The following STAT5B variants were observed in gnomAD, a reference collection of about 807,000 sequenced individuals.
The protein encoded by STAT5B is transcription factor STAT5B.
STAT5B carries 21 observed loss-of-function variants against 107.8 expected under a neutral mutation model. That is an observed-to-expected ratio of 0.19 (90% CI 0.14 to 0.28). The LOEUF (loss-of-function observed/expected upper bound fraction) is 0.28. STAT5B is among the 10% of genes least tolerant of loss of function. The pLI, the probability that STAT5B is intolerant of heterozygous loss-of-function variation, is 1.00. For missense variants in STAT5B, 565 were observed against 1,008.2 expected (o/e 0.56, Z 5.95); for synonymous variants, 325 against 401.7 (o/e 0.81, Z 2.28).
rs549025276 is a variant in STAT5B, at chr17:42,222,989, A to C, written c.550+393T>G. The stretch of plus-strand genomic sequence containing the variant: ...GTGAGCCACCGTGCCCAGCCAGAAA[A>C]ATTTTTAAACATGTAATTATATAAT... On this transcript the variant is annotated intron_variant, in intron 5 of 18. Coordinates refer to ENST00000293328, the MANE Select transcript of STAT5B (RefSeq NM_012448.4). Among the ~76,000 whole-genome samples, 5 of 152,076 alleles carry C rather than the reference A, an allele frequency of 3.3e-5. No homozygotes were observed. The East Asian group carries it at 9.7e-4, about 29-fold the overall frequency.
chr17:42,285,476 G>C, the STAT5B span, among the ~76,000 whole-genome samples: 1 of 152,210 alleles, frequency 6.6e-6, no homozygotes, highest in Non-Finnish European at 1.5e-5. Flanking sequence ...GTGAAGAGCA[G>C]TTAGGGGCAA....
chr17:42,255,347 T>C (rs1178054416), intron 1 of STAT5B, among the ~76,000 whole-genome samples: 1 of 152,204 alleles, frequency 6.6e-6, no homozygotes, highest in African/African-American at 2.4e-5. Context: ...GCCACAGGCA[T>C]ACAGATGAGG....
At chr17:42,284,737 A>G in the STAT5B span, among the ~76,000 whole-genome samples, 4 of 152,068 alleles carry the variant, frequency 2.6e-5, no homozygotes, top group African/African-American at 7.2e-5. Flanking sequence ...AGGCCTCTTC[A>G]CTCCGCCGGT....
rs1239128940 is a variant in STAT5B at position 42,218,296 on chromosome 17, G to A, written c.1024C>T (p.Leu342=). 2.5e-6 allele frequency: 4 copies of A among 1,614,100 alleles called. No individual in the cohort carries two copies. The South Asian group carries it at 3.3e-5, about 13-fold the overall frequency. ...FIIEKQPPQV[L]KTQTKFAATV... is the part of the protein sequence containing the mutation. ...GCTGCAAACTTGGTCTGGGTCTTCAGGACCTGAGGAGGCTGCTTCTCAATG... is the reference window on the plus strand; with the variant it reads ...GCTGCAAACTTGGTCTGGGTCTTCAAGACCTGAGGAGGCTGCTTCTCAATG... The change falls in exon 9 of 19, where the codon CTG becomes TTG. Residue 342 remains leucine, a synonymous_variant. Transcript: ENST00000293328.
chr17:42,226,217 G>A (rs1445949500), intron 3 of STAT5B, among the ~76,000 whole-genome samples: 1 of 152,144 alleles, frequency 6.6e-6, no homozygotes, highest in Non-Finnish European at 1.5e-5. Flanking sequence ...TTACTGGTGT[G>A]AGCCACTGCA....
chr17:42,223,738 G>T (rs963401854), intron 4 of STAT5B, among the ~76,000 whole-genome samples, 182 bp from the exon 5 acceptor site: 8 of 152,194 alleles, frequency 5.3e-5, no homozygotes, highest in African/African-American at 1.9e-4. Flanking sequence ...AGAAACAGGT[G>T]AGCGGACAGA....
At chr17:42,224,663 C>G (rs2080258112) in intron 4 of STAT5B, 116 bp downstream of exon 4, 1 of 1,011,886 alleles carries the variant, frequency 9.9e-7, no homozygotes, top group African/African-American at 1.6e-5. Flanking sequence ...GGATGAAGCT[C>G]TCTTTAAAGA....
chr17:42,231,394 T>A (rs2080316467), intron 2 of STAT5B, among the ~76,000 whole-genome samples: 1 of 152,016 alleles, frequency 6.6e-6, no homozygotes. Context: ...TAGGCTGGAG[T>A]GTAGTGGTGT....
At chr17:42,232,571 T>C (rs2080326046) in intron 1 of STAT5B, among the ~76,000 whole-genome samples, 2 of 152,142 alleles carry the variant, frequency 1.3e-5, no homozygotes, top group South Asian at 2.1e-4. Flanking sequence ...TTTAGCCCTT[T>C]TGGTAGACTA....
chr17:42,201,554 A>AC lies in STAT5B; in HGVS notation c.*183_*184insG. On this transcript the variant is annotated 3_prime_UTR_variant, in exon 19 of 19. Coordinates refer to ENST00000293328, the MANE Select transcript of STAT5B (RefSeq NM_012448.4). ...CACACACACACACACACACACACAC[A>AC]AACACATACTCGCACTCCCTTCGCT... The AC allele has an allele frequency of 1.5e-6, 1 of 670,504 alleles. No homozygotes were observed. 41.5% of individuals were successfully genotyped at this position (670,504 alleles called of 1,614,324 possible). A position where few individuals can be genotyped will look rare whatever the true frequency, so the allele number is the denominator to read the frequency against.
the STAT5B span, among the ~76,000 whole-genome samples, chr17:42,286,190 G>A: frequency 9.7e-5 from 13 of 134,538 alleles, no homozygotes; most frequent in Admixed American, 6.8e-4. Flanking sequence ...CCAAGATCGC[G>A]CCATTGCACT....
intron 13 of STAT5B, 34 bp from the exon 14 acceptor site, chr17:42,210,531 C>A: frequency 6.5e-7 from 1 of 1,543,306 alleles, no homozygotes; most frequent in Non-Finnish European, 9.0e-7. Context: ...CATAAGAACA[C>A]CAGAGTAACA....
At chr17:42,225,862 T>A (rs2080268751) in intron 3 of STAT5B, among the ~76,000 whole-genome samples, 1 of 152,330 alleles carries the variant, frequency 6.6e-6, no homozygotes, top group Admixed American at 6.5e-5. Context: ...AATGTTAACG[T>A]AATCATGAGG....
At chr17:42,236,707 G>T (rs1226872594) in intron 1 of STAT5B, among the ~76,000 whole-genome samples, 1 of 152,176 alleles carries the variant, frequency 6.6e-6, no homozygotes, top group Non-Finnish European at 1.5e-5. Context: ...AAAGTGCTGG[G>T]ATTACAGGCG....
rs754879860 is a variant in STAT5B, at chr17:42,218,319, A to G, written c.1001T>C (p.Ile334Thr). Residue 334 changes from isoleucine to threonine, a missense_variant, in exon 9 of 19, where the codon ATT becomes ACT. This residue lies in a region of STAT5B where 48 missense variants were observed against 106.5 expected (regional missense o/e 0.45). Transcript: ENST00000293328. ...ISALVTSTFI[I>T]EKQPPQVLKT... ...CAGGACCTGAGGAGGCTGCTTCTCAATGATGAACGTGCTGCAGGGGACACA... is the reference window on the plus strand; with the variant it reads ...CAGGACCTGAGGAGGCTGCTTCTCAGTGATGAACGTGCTGCAGGGGACACA... 9.3e-6 allele frequency: 15 copies of G among 1,613,518 alleles called. No individual in the cohort carries two copies. The highest frequency in any genetic ancestry group is 5.0e-5 in the Admixed American group (3 of 59,948).
In STAT5B at chr17:42,218,202, A is replaced by G; in HGVS notation, c.1118T>C (p.Ile373Thr). 1 of 1,614,056 alleles carries G rather than the reference A, an allele frequency of 6.2e-7. No individual in the cohort carries two copies. Among genetic ancestry groups the G allele is most frequent in the East Asian group, 2.2e-5 (1 of 44,884 alleles). ...AGACTTGGCCTGCTGCTCACTGATGATGGTGGCCTTCACCTGGGGGGGGTT... is the reference window on the plus strand; with the variant it reads ...AGACTTGGCCTGCTGCTCACTGATGGTGGTGGCCTTCACCTGGGGGGGGTT... Reference protein sequence around the residue: ...HMNPPQVKATIISEQQAKSLL... With the variant: ...HMNPPQVKATTISEQQAKSLL... The change falls in exon 9 of 19, where the codon ATC (isoleucine) becomes ACC (threonine). Residue 373 changes from isoleucine (I) to threonine (T), a missense_variant. Transcript: ENST00000293328.
chr17:42,279,553 C>G (rs556779333), upstream of STAT5B, among the ~76,000 whole-genome samples: 1 of 152,106 alleles, frequency 6.6e-6, no homozygotes, highest in African/African-American at 2.4e-5. Context: ...TTTAGGAGGC[C>G]GAGGCGGGTG....
At chr17:42,231,516 A>G (rs1246735000) in intron 2 of STAT5B, among the ~76,000 whole-genome samples, 1 of 151,968 alleles carries the variant, frequency 6.6e-6, no homozygotes, top group East Asian at 1.9e-4. Flanking sequence ...TAATTTTTGT[A>G]TTTTGTACAG....
chr17:42,284,549 G>A, the STAT5B span, among the ~76,000 whole-genome samples: 1 of 152,232 alleles, frequency 6.6e-6, no homozygotes, highest in African/African-American at 2.4e-5. Context: ...CTACAGGCGT[G>A]AGCCACCATG....
Sources: allele counts gnomAD v4.1 joint callset (sites outside exome capture counted in the v4.1 genomes callset), GRCh38; gene constraint gnomAD v4.1.1; regional missense constraint gnomAD v4.1.1; transcripts MANE v1.5; gene names NCBI Gene and HGNC (gene_info 2026-07-23, HGNC 2026-07-21).